OSBPL6: variants seen among roughly 807,000 people sequenced by gnomAD.
OSBPL6 encodes the protein oxysterol-binding protein-related protein 6.
In OSBPL6, 49 loss-of-function variants were observed where a neutral mutation model predicts 125.8. The observed-to-expected ratio is 0.39, with a 90% CI of 0.31 to 0.49. The LOEUF (loss-of-function observed/expected upper bound fraction) is 0.49. OSBPL6 is among the 20% of genes least tolerant of loss of function. The pLI is 0.88. For missense variants in OSBPL6, 986 were observed against 1,135.4 expected, an observed-to-expected ratio of 0.87 and a Z score of 1.89; for synonymous variants, 394 against 391.8, an observed-to-expected ratio of 1.01 and a Z score of -0.07.
In OSBPL6 at chr2:178,397,016, A is replaced by G. The variant is rs1398039983; in HGVS notation, c.*1457A>G. 1 of 152,186 alleles carries G rather than the reference A, an allele frequency of 6.6e-6. No individual in the cohort carries two copies. The highest frequency in any genetic ancestry group is 2.4e-5 in the African/African-American group (1 of 41,440). 9.4% of individuals were successfully genotyped at this position (152,186 alleles called of 1,614,324 possible). A position where few individuals can be genotyped will look rare whatever the true frequency, so the allele number is the denominator to read the frequency against. On this transcript the variant is annotated 3_prime_UTR_variant, in exon 25 of 25. Transcript: ENST00000190611. The stretch of plus-strand genomic sequence containing the variant: ...TTGTTAGTTAGATGTTTATTCTTGG[A>G]TTCTTACCATTAGAATTTAAGTGTT...
At chr2:178,295,781 T>G (rs1169262426) in intron 2 of OSBPL6, among the ~76,000 whole-genome samples, 1 of 151,836 alleles carries the variant, frequency 6.6e-6, no homozygotes, top group Admixed American at 6.6e-5. Flanking sequence ...ATAAAATTAT[T>G]TAAAGATTAA....
chr2:178,279,085 A>G (rs933449307), intron 1 of OSBPL6, among the ~76,000 whole-genome samples: 3 of 152,236 alleles, frequency 2.0e-5, no homozygotes, highest in Non-Finnish European at 4.4e-5. Context: ...GATTACATAG[A>G]TAACTCTTCT....
intron 4 of OSBPL6, among the ~76,000 whole-genome samples, chr2:178,325,690 CACTT>C (rs954202062): frequency 6.6e-6 from 1 of 152,220 alleles, no homozygotes; most frequent in African/African-American, 2.4e-5. Flanking sequence ...TGTATTATCT[CACTT>C]AATCAGCCCC....
chr2:178,329,961 C>G (rs1185356150), intron 5 of OSBPL6, among the ~76,000 whole-genome samples: 1 of 152,136 alleles, frequency 6.6e-6, no homozygotes, highest in African/African-American at 2.4e-5. Flanking sequence ...GGAAATGTTG[C>G]CCCGGTGCCC....
chr2:178,314,816 C>T (rs1369356511), intron 3 of OSBPL6, among the ~76,000 whole-genome samples: 1 of 152,108 alleles, frequency 6.6e-6, no homozygotes, highest in African/African-American at 2.4e-5. Context: ...ACAGGATTTG[C>T]TCCCTGGAAC....
rs1695150711 is a variant in OSBPL6 at position 178,388,663 on chromosome 2, T to C, written c.2157-346T>C. Among the ~76,000 whole-genome samples, 4 of 152,222 alleles carry C rather than the reference T, an allele frequency of 2.6e-5. No individual in the cohort carries two copies. In the East Asian group the frequency reaches 5.8e-4, roughly 22 times the overall value. ...ACACTCATCCCACGTTCCAGGTAGA[T>C]TGAAGGACTAAAAACTCTTCCTTCT... is the stretch of plus-strand genomic sequence containing the variant. On this transcript the variant is annotated intron_variant, in intron 20 of 24. Transcript: ENST00000190611.
chr2:178,387,718 A>G (rs928903306), intron 20 of OSBPL6, among the ~76,000 whole-genome samples: 2 of 152,182 alleles, frequency 1.3e-5, no homozygotes, highest in African/African-American at 2.4e-5. Context: ...ATATTTGAAC[A>G]TGTAGGCCAG....
At chr2:178,317,076 C>T (rs1397406680) in intron 3 of OSBPL6, among the ~76,000 whole-genome samples, 1 of 151,316 alleles carries the variant, frequency 6.6e-6, no homozygotes, top group East Asian at 1.9e-4. Flanking sequence ...TTTCTGTTTT[C>T]CCCCCAAAAT....
Position 178,310,714 on chromosome 2 carries a change from G to T in OSBPL6, c.102+4428G>T, listed in dbSNP as rs573115533. ...TTACAGGCGTGAGCCACCGCACCCA[G>T]CCTCAAAACTGAACTCTTAATTGCC... On this transcript the variant is annotated intron_variant, in intron 3 of 24. Coordinates refer to ENST00000190611, the MANE Select transcript of OSBPL6 (RefSeq NM_032523.4). 2.6e-5 allele frequency among the ~76,000 whole-genome samples: 4 copies of T among 152,224 alleles called. No homozygotes were observed. In the South Asian group the frequency reaches 8.3e-4, roughly 32 times the overall value.
At chr2:178,210,703 T>C (rs1038390708) in intron 1 of OSBPL6, among the ~76,000 whole-genome samples, 4 of 151,902 alleles carry the variant, frequency 2.6e-5, no homozygotes, top group African/African-American at 9.7e-5. Context: ...TCCCAGCTAC[T>C]TGGGAGGCTG....
chr2:178,253,015 T>C (rs1261373982), intron 1 of OSBPL6, among the ~76,000 whole-genome samples: 1 of 152,048 alleles, frequency 6.6e-6, no homozygotes, highest in African/African-American at 2.4e-5. Context: ...CAAACCACTG[T>C]ATTTTATTTA....
intron 18 of OSBPL6, 53 bp from the exon 19 acceptor site, chr2:178,385,405 C>T (rs985501576): frequency 4.0e-6 from 5 of 1,247,262 alleles, no homozygotes; most frequent in Admixed American, 3.6e-5. Context: ...AAATGGATGA[C>T]CATGTGGAAG....
intron 2 of OSBPL6, among the ~76,000 whole-genome samples, chr2:178,300,439 G>A (rs1363153281): frequency 6.6e-6 from 1 of 152,196 alleles, no homozygotes; most frequent in East Asian, 1.9e-4. Flanking sequence ...GAGGCAGGAT[G>A]AAGGTCTGCT....
chr2:178,221,379 A>G (rs1007077655), intron 1 of OSBPL6, among the ~76,000 whole-genome samples: 5 of 152,220 alleles, frequency 3.3e-5, no homozygotes, highest in African/African-American at 1.2e-4. Context: ...ACTACTTGAA[A>G]GAATGCATTG....
Position 178,393,232 on chromosome 2 carries a change from A to G in OSBPL6, c.2573+694A>G, listed in dbSNP as rs570662984. Among the ~76,000 whole-genome samples the G allele has an allele frequency of 3.9e-5, 6 of 152,358 alleles. No homozygotes were observed. In the East Asian group the frequency reaches 9.6e-4, roughly 24 times the overall value. On this transcript the variant is annotated intron_variant, in intron 23 of 24. Coordinates refer to ENST00000190611, the MANE Select transcript of OSBPL6 (RefSeq NM_032523.4). ...CATGGAGTATCTTTTAAACTGAAGA[A>G]TAATAGGATAAGTTACAGGGGAACT...
Position 178,401,123 on chromosome 2 carries a change from CTG to C in OSBPL6, c.*5565_*5566del, listed in dbSNP as rs1696092155. On this transcript the variant is annotated 3_prime_UTR_variant, in exon 25 of 25. Coordinates refer to ENST00000190611, the MANE Select transcript of OSBPL6 (RefSeq NM_032523.4). ...GATGTAACACCACTTGGTGGTGGCG[CTG>C]AGGAAACCCTGGGAAGTGTTTTTCT... The C allele has an allele frequency of 6.6e-6, 1 of 152,202 alleles. No homozygotes were observed. The highest frequency in any genetic ancestry group is 2.4e-5 in the African/African-American group (1 of 41,450). 9.4% of individuals were successfully genotyped at this position (152,202 alleles called of 1,614,324 possible). A position where few individuals can be genotyped will look rare whatever the true frequency, so the allele number is the denominator to read the frequency against.
intron 1 of OSBPL6, among the ~76,000 whole-genome samples, chr2:178,251,134 G>T (rs1439823057): frequency 6.6e-6 from 1 of 152,066 alleles, no homozygotes; most frequent in African/African-American, 2.4e-5. Flanking sequence ...CCTAACAAGG[G>T]AGTGTGGTCC....
At chr2:178,221,791 A>G (rs960579204) in intron 1 of OSBPL6, among the ~76,000 whole-genome samples, 1 of 152,200 alleles carries the variant, frequency 6.6e-6, no homozygotes, top group African/African-American at 2.4e-5. Context: ...CAATCAATAC[A>G]TGAAGTAGCA....
At chr2:178,364,550 G>A (rs777789664) in intron 13 of OSBPL6, among the ~76,000 whole-genome samples, 9 of 152,150 alleles carry the variant, frequency 5.9e-5, no homozygotes, top group South Asian at 2.1e-4. Flanking sequence ...GGAGATCAGC[G>A]GAATGTTAGA....
Sources: gnomAD v4.1 joint callset for allele counts (sites outside exome capture counted in the v4.1 genomes callset) on GRCh38, gnomAD v4.1.1 for gene constraint, MANE v1.5 for transcripts, NCBI Gene and HGNC (gene_info 2026-07-23, HGNC 2026-07-21) for gene names.